Variants in PTPN13 observed in about 807,000 individuals in gnomAD.
The protein encoded by PTPN13 is tyrosine-protein phosphatase non-receptor type 13.
A neutral mutation model predicts 284.0 loss-of-function variants in PTPN13; 191 were observed. The ratio of observed to expected loss-of-function variants is 0.67; its 90% CI spans 0.60 to 0.76. The LOEUF (loss-of-function observed/expected upper bound fraction) is 0.76. PTPN13 is among the 30% of genes least tolerant of loss of function. The pLI, the probability that PTPN13 is intolerant of heterozygous loss-of-function variation, is 0.00. For missense variants in PTPN13, 2,797 were observed against 2,939.9 expected, an observed-to-expected ratio of 0.95 and a Z score of 1.12; for synonymous variants, 986 against 1,022.3, an observed-to-expected ratio of 0.96 and a Z score of 0.68.
chr4:86,705,342 A>C (rs1331759803), intron 7 of PTPN13, among the ~76,000 whole-genome samples: 2 of 151,828 alleles, frequency 1.3e-5, no homozygotes, highest in Non-Finnish European at 2.9e-5. Context: ...TCAAAAAAAA[A>C]AAAAAAGACA....
chr4:86,757,647 C>T (rs933059854), intron 20 of PTPN13, among the ~76,000 whole-genome samples: 1 of 151,596 alleles, frequency 6.6e-6, no homozygotes, highest in African/African-American at 2.4e-5. Context: ...GCCTGTCGTA[C>T]TAGCTATTCA....
intron 1 of PTPN13, among the ~76,000 whole-genome samples, chr4:86,596,469 C>G (rs1763813283): frequency 6.6e-6 from 1 of 152,150 alleles, no homozygotes; most frequent in South Asian, 2.1e-4. Flanking sequence ...ATGATGGGGT[C>G]ACGTTATAAA....
intron 2 of PTPN13, among the ~76,000 whole-genome samples, chr4:86,665,791 A>G (rs1264651281): frequency 6.6e-6 from 1 of 152,194 alleles, no homozygotes; most frequent in African/African-American, 2.4e-5. Context: ...CTGGAACTAC[A>G]GTACTTGTCA....
At chr4:86,802,649 T>G (rs1744164453) in intron 42 of PTPN13, among the ~76,000 whole-genome samples, 1 of 152,248 alleles carries the variant, frequency 6.6e-6, no homozygotes, top group South Asian at 2.1e-4. Flanking sequence ...CTATTAATTC[T>G]ATTACCTTAT....
chr4:86,685,229 T>C (rs1411737250), intron 3 of PTPN13, among the ~76,000 whole-genome samples: 1 of 152,172 alleles, frequency 6.6e-6, no homozygotes, highest in Admixed American at 6.6e-5. Context: ...GTCCTTTGAT[T>C]CAGCTTCCTT....
At position 86,689,131 on chromosome 4, in the gene PTPN13, G is replaced by A; in HGVS notation, c.487G>A (p.Ala163Thr). The stretch of plus-strand genomic sequence containing the variant: ...TGCCCACATTAGGAATAGCAATTGT[G>A]CACCCTCATTTTCCTACGTGAAACA... ...CSAHIRNSNC[A>T]PSFSYVKHLV... Residue 163 changes from alanine (A) to threonine (T), a missense_variant, in exon 5 of 48, where the codon GCA (alanine) becomes ACA (threonine). Ala to Thr is a moderately conservative substitution (Grantham distance 58, BLOSUM62 0). Transcript: ENST00000411767. 6.2e-7 allele frequency: 1 copy of A among 1,613,588 alleles called. No homozygotes were observed. The highest frequency in any genetic ancestry group is 8.5e-7 in the Non-Finnish European group (1 of 1,179,588).
chr4:86,794,339 A>C (rs1191011629), intron 40 of PTPN13, among the ~76,000 whole-genome samples: 1 of 152,166 alleles, frequency 6.6e-6, no homozygotes, highest in East Asian at 1.9e-4. Context: ...CCAACTTACG[A>C]GGGATGTGAA....
intron 2 of PTPN13, among the ~76,000 whole-genome samples, chr4:86,641,892 G>A (rs774592072): frequency 6.6e-6 from 1 of 152,084 alleles, no homozygotes; most frequent in Non-Finnish European, 1.5e-5. Context: ...GCTTAAGCTC[G>A]TGAATGTTTG....
At position 86,800,609 on chromosome 4, in the gene PTPN13, G is replaced by A. The variant is rs181050056; in HGVS notation, c.6505+1405G>A. Reference sequence around the variant, plus strand: ...AGAGGTTGCAATGAGCCGAGATTGCGTCACTGCACTCCAGCCTGGGTGATA... The same window carrying A: ...AGAGGTTGCAATGAGCCGAGATTGCATCACTGCACTCCAGCCTGGGTGATA... On this transcript the variant is annotated intron_variant, in intron 42 of 47. Transcript: ENST00000411767. Among the ~76,000 whole-genome samples the A allele has an allele frequency of 1.5e-3, 230 of 150,778 alleles. 2 individuals carry two copies. Among genetic ancestry groups the A allele is most frequent in the Admixed American group, 0.012 (182 of 15,124 alleles).
intron 2 of PTPN13, among the ~76,000 whole-genome samples, chr4:86,667,503 ATAAT>A (rs1472179977): frequency 1.3e-5 from 2 of 152,194 alleles, no homozygotes; most frequent in African/African-American, 4.8e-5. Context: ...TGAACCTTAA[ATAAT>A]TTATGACAAA....
At position 86,669,612 on chromosome 4, in the gene PTPN13, C is replaced by T. The variant is rs566936201; in HGVS notation, c.116-2753C>T. On this transcript the variant is annotated intron_variant, in intron 2 of 47. Coordinates refer to ENST00000411767, the MANE Select transcript of PTPN13 (RefSeq NM_080683.3). ...GATAAGGAATTATGAATTGCTTTCA[C>T]CTTCAGCAGTTCTGATTGGTGCTAC... Among the ~76,000 whole-genome samples, 7 of 152,114 alleles carry T rather than the reference C, an allele frequency of 4.6e-5. 1 individual carries two copies. The highest frequency in any genetic ancestry group is 5.9e-5 in the Non-Finnish European group (4 of 67,996).
intron 1 of PTPN13, among the ~76,000 whole-genome samples, chr4:86,620,616 A>G (rs1297172663): frequency 1.3e-5 from 2 of 152,252 alleles, no homozygotes; most frequent in Admixed American, 1.3e-4. Context: ...TCATGTCTAA[A>G]TAGCCAACAT....
At chr4:86,608,124 A>G (rs1315022232) in intron 1 of PTPN13, among the ~76,000 whole-genome samples, 4 of 152,108 alleles carry the variant, frequency 2.6e-5, no homozygotes, top group Non-Finnish European at 5.9e-5. Context: ...AAGCATGATC[A>G]TAACTATTGT....
intron 1 of PTPN13, among the ~76,000 whole-genome samples, chr4:86,609,124 CAT>C (rs1565135334): frequency 6.6e-6 from 1 of 152,120 alleles, no homozygotes; most frequent in Non-Finnish European, 1.5e-5. Context: ...TTCTTTGAGA[CAT>C]AAAATTGAAA....
rs1743405072 is a variant in PTPN13 at position 86,796,924 on chromosome 4, T to C, written c.6396T>C (p.Ser2132=). 5.4e-6 allele frequency: 8 copies of C among 1,478,358 alleles called. No individual in the cohort carries two copies. The South Asian group carries it at 9.7e-5, about 18-fold the overall frequency. 91.6% of individuals were successfully genotyped at this position (1,478,358 alleles called of 1,614,324 possible). Residue 2132 remains serine (S), a synonymous_variant, in exon 41 of 48, where the codon AGT becomes AGC. Coordinates refer to ENST00000411767, the MANE Select transcript of PTPN13 (RefSeq NM_080683.3). ...CEEYCEEKVK[S]ESLIQKPQEK... is the part of the protein sequence containing the mutation. ...AATATTGTGAAGAAAAAGTAAAAAG[T>C]GAAAGGTGAGAAAATAATTTTCAAA...
At chr4:86,647,618 C>T (rs1578330307) in intron 2 of PTPN13, among the ~76,000 whole-genome samples, 1 of 152,002 alleles carries the variant, frequency 6.6e-6, no homozygotes, top group East Asian at 1.9e-4. Flanking sequence ...GGATTGTGTT[C>T]CTCAAACATT....
intron 43 of PTPN13, 101 bp downstream of exon 43, chr4:86,803,958 T>A: frequency 1.5e-6 from 2 of 1,346,916 alleles, no homozygotes; most frequent in Non-Finnish European, 1.0e-6. Context: ...TTTTTGAAAA[T>A]TTTCCAACTC....
chr4:86,651,072 C>A (rs1725025645), intron 2 of PTPN13, among the ~76,000 whole-genome samples: 2 of 152,192 alleles, frequency 1.3e-5, no homozygotes, highest in South Asian at 4.2e-4. Context: ...TGGCCTTGAT[C>A]ATGTTGAGGT....
chr4:86,735,276 A>G (rs1735370936), intron 14 of PTPN13, among the ~76,000 whole-genome samples: 1 of 152,210 alleles, frequency 6.6e-6, no homozygotes. Context: ...GTTTCTAAAT[A>G]AAATTGATCT....
Sources: allele counts gnomAD v4.1 joint callset (sites outside exome capture counted in the v4.1 genomes callset), GRCh38; gene constraint gnomAD v4.1.1; transcripts MANE v1.5; gene names NCBI Gene and HGNC (gene_info 2026-07-23, HGNC 2026-07-21).